SUN3: variants seen among roughly 807,000 people sequenced by gnomAD.
SUN3 encodes the protein Sad1 and UNC84 domain containing 3.
In SUN3, 36 loss-of-function variants were observed where a neutral mutation model predicts 48.2. The observed-to-expected ratio is 0.75, with a 90% CI of 0.57 to 0.99. The LOEUF (loss-of-function observed/expected upper bound fraction) is 0.99, where lower values mean the gene tolerates loss of function less well. SUN3 is among the 50% of genes least tolerant of loss of function. The probability of loss-of-function intolerance (pLI) is 0.00; values close to 1 mark genes in which losing one functional copy is unlikely to be tolerated. For synonymous variants in SUN3, 148 were observed against 147.9 expected (o/e 1.00, Z 0.00); for missense variants, 419 against 433.1 (o/e 0.97, Z 0.29).
In SUN3 at chr7:47,988,223, T is replaced by C. The variant is rs1163773256; in HGVS notation, c.954+565A>G. ...TCATAAAACACTTGTTTTTACATGATATAAAATGTCTTCTACATCTCTTCA... is the reference window on the plus strand; with the variant it reads ...TCATAAAACACTTGTTTTTACATGACATAAAATGTCTTCTACATCTCTTCA... On this transcript the variant is annotated intron_variant, in intron 9 of 9. Coordinates refer to ENST00000297325, the MANE Select transcript of SUN3 (RefSeq NM_001030019.2). Among the ~76,000 whole-genome samples the C allele has an allele frequency of 3.3e-5, 5 of 152,244 alleles. No individual in the cohort carries two copies. In the East Asian group the frequency reaches 9.6e-4, roughly 29 times the overall value.
At chr7:47,998,563 C>G (rs768113421) in intron 6 of SUN3, among the ~76,000 whole-genome samples, 24 of 151,986 alleles carry the variant, frequency 1.6e-4, no homozygotes, top group Non-Finnish European at 2.8e-4. Flanking sequence ...TTTGTTGAAG[C>G]CCATATTATC....
intron 3 of SUN3, among the ~76,000 whole-genome samples, chr7:48,009,387 TG>T (rs1320498667): frequency 6.6e-6 from 1 of 152,038 alleles, no homozygotes; most frequent in Non-Finnish European, 1.5e-5. Flanking sequence ...AGAGGGAGGT[TG>T]GAAGAGGAAA....
chr7:48,001,858 G>A (rs1164984403), intron 6 of SUN3, among the ~76,000 whole-genome samples: 3 of 152,092 alleles, frequency 2.0e-5, no homozygotes, highest in African/African-American at 7.2e-5. Flanking sequence ...TTTCTATTGT[G>A]AATAGTGCTG....
chr7:48,029,071 G>A lies in SUN3; in HGVS notation c.-133C>T. ...TGTATAATGTCTTCTTCCTCCACGG[G>A]TGTTTCTTCTTGAAGACGGAATTTT... On this transcript the variant is annotated 5_prime_UTR_variant, in exon 1 of 10. Coordinates refer to ENST00000297325, the MANE Select transcript of SUN3 (RefSeq NM_001030019.2). 2.3e-6 allele frequency: 3 copies of A among 1,308,748 alleles called. No individual in the cohort carries two copies. The highest frequency in any genetic ancestry group is 3.1e-6 in the Non-Finnish European group (3 of 958,652). The allele number at this position is 1,308,748 out of a possible 1,614,324, so 81.1% of individuals were successfully genotyped here.
At chr7:48,016,238 G>T (rs2128780380) in intron 3 of SUN3, among the ~76,000 whole-genome samples, 1 of 152,156 alleles carries the variant, frequency 6.6e-6, no homozygotes, top group Middle Eastern at 3.4e-3. Context: ...TGACCAATCA[G>T]CACTCCCCAC....
chr7:48,020,692 G>A (rs932316465), intron 2 of SUN3, among the ~76,000 whole-genome samples: 1 of 151,946 alleles, frequency 6.6e-6, no homozygotes, highest in Non-Finnish European at 1.5e-5. Context: ...ATTTACAATA[G>A]CCACAAACAA....
intron 2 of SUN3, among the ~76,000 whole-genome samples, chr7:48,020,297 A>G (rs1474187674): frequency 6.6e-6 from 1 of 152,182 alleles, no homozygotes; most frequent in Non-Finnish European, 1.5e-5. Context: ...AACTGGGTAT[A>G]GAAGGAACAT....
At chr7:48,011,544 T>C (rs1789683345) in intron 3 of SUN3, among the ~76,000 whole-genome samples, 1 of 152,262 alleles carries the variant, frequency 6.6e-6, no homozygotes, top group Admixed American at 6.5e-5. Context: ...GTTTTTCACA[T>C]TCTGTTTGAG....
intron 2 of SUN3, among the ~76,000 whole-genome samples, chr7:48,022,598 T>C (rs890035973): frequency 2.0e-5 from 3 of 151,810 alleles, no homozygotes; most frequent in Non-Finnish European, 2.9e-5. Context: ...AAAAAGAACA[T>C]TTGAAGAAAT....
At chr7:47,993,767 C>A (rs971562040) in intron 8 of SUN3, among the ~76,000 whole-genome samples, 1 of 152,116 alleles carries the variant, frequency 6.6e-6, no homozygotes, top group African/African-American at 2.4e-5. Flanking sequence ...TCTGTGAATA[C>A]ACTAAAAGCC....
chr7:48,024,483 G>A (rs1477961845), intron 2 of SUN3, among the ~76,000 whole-genome samples: 1 of 149,528 alleles, frequency 6.7e-6, no homozygotes, highest in Non-Finnish European at 1.5e-5. Flanking sequence ...CCATCAGGTG[G>A]CTGTAATTTA....
chr7:48,011,850 C>G (rs564056901), intron 3 of SUN3, among the ~76,000 whole-genome samples: 2 of 152,038 alleles, frequency 1.3e-5, no homozygotes, highest in Non-Finnish European at 2.9e-5. Context: ...TAAGATAATG[C>G]GAGAAGGATG....
chr7:48,033,848 G>A (rs538684738), upstream of SUN3, among the ~76,000 whole-genome samples: 3 of 152,352 alleles, frequency 2.0e-5, no homozygotes, highest in Admixed American at 6.5e-5. Context: ...GAGGTCAGGA[G>A]TATGAGACCA....
chr7:48,013,598 A>G (rs1207699238), intron 3 of SUN3, among the ~76,000 whole-genome samples: 1 of 152,226 alleles, frequency 6.6e-6, no homozygotes, highest in African/African-American at 2.4e-5. Flanking sequence ...AAAATTAGAG[A>G]CAATCCAATT....
At chr7:48,019,256 G>T (rs922866440) in intron 2 of SUN3, among the ~76,000 whole-genome samples, 1 of 151,884 alleles carries the variant, frequency 6.6e-6, no homozygotes, top group African/African-American at 2.4e-5. Context: ...GGGGCAGAAA[G>T]AAATGAAGAA....
chr7:48,005,938 A>G (rs369627593), intron 6 of SUN3, 31 bp downstream of exon 6: 15 of 1,433,798 alleles, frequency 1.0e-5, no homozygotes, highest in South Asian at 8.6e-5. Context: ...TTTTTTTTTA[A>G]TGTTCCTCTT....
chr7:48,020,982 G>A (rs1789978557), intron 2 of SUN3, among the ~76,000 whole-genome samples: 1 of 152,020 alleles, frequency 6.6e-6, no homozygotes, highest in Non-Finnish European at 1.5e-5. Flanking sequence ...GCTATTCTAA[G>A]CAAAAAGAAG....
In SUN3 at chr7:47,994,347, T is replaced by G. The variant is rs368580888; in HGVS notation, c.829A>C (p.Ile277Leu). The change falls in exon 8 of 10, where the codon ATC becomes CTC. Residue 277 changes from isoleucine (I) to leucine (L), a missense_variant. By Grantham distance (5) the Ile-to-Leu change is conservative (BLOSUM62 2). Coordinates refer to ENST00000297325, the MANE Select transcript of SUN3 (RefSeq NM_001030019.2). ...GAAAATTCCTTGGGTGCACTGGAGA[T>G]GTTTCCTGACGGAGACACCTTCTCT... Reference protein sequence around the residue: ...ISEKVSPSGNISSAPKEFSVY... With the variant: ...ISEKVSPSGNLSSAPKEFSVY... 62 of 1,613,664 alleles carry G rather than the reference T, an allele frequency of 3.8e-5. No homozygotes were observed. In the East Asian group the frequency reaches 1.0e-3, roughly 27 times the overall value.
At chr7:48,023,461 G>A (rs1790055234) in intron 2 of SUN3, among the ~76,000 whole-genome samples, 1 of 151,936 alleles carries the variant, frequency 6.6e-6, no homozygotes, top group East Asian at 1.9e-4. Context: ...AATCAAAAGA[G>A]TGCACTACAA....
Sources: allele counts gnomAD v4.1 joint callset (sites outside exome capture counted in the v4.1 genomes callset), GRCh38; gene constraint gnomAD v4.1.1; transcripts MANE v1.5; gene names NCBI Gene and HGNC (gene_info 2026-07-23, HGNC 2026-07-21).